CEP250: variants seen among roughly 807,000 people sequenced by gnomAD.
The protein encoded by CEP250 is centrosome-associated protein CEP250.
Under a neutral mutation model 315.7 loss-of-function variants are expected in CEP250, and 242 were observed. The observed-to-expected ratio is 0.77, with a 90% CI of 0.69 to 0.85. The LOEUF (loss-of-function observed/expected upper bound fraction) is 0.85, where lower values mean the gene tolerates loss of function less well. Among genes scored for constraint, CEP250 ranks in the 40% least tolerant of loss-of-function variants. The pLI is 0.00. For missense variants in CEP250, 2,515 were observed against 2,886.4 expected (o/e 0.87, Z 2.95); for synonymous variants, 1,088 against 1,175.0 (o/e 0.93, Z 1.51).
At chr20:35,468,541 C>G (rs1018991565) in intron 9 of CEP250, among the ~76,000 whole-genome samples, 1 of 152,182 alleles carries the variant, frequency 6.6e-6, no homozygotes, top group African/African-American at 2.4e-5. Flanking sequence ...GAGGTACATA[C>G]ATAAAATGCA....
intron 9 of CEP250, among the ~76,000 whole-genome samples, chr20:35,468,039 G>A (rs954417800): frequency 6.8e-6 from 1 of 147,322 alleles, no homozygotes; most frequent in African/African-American, 2.6e-5. Context: ...CTGCCTCCTG[G>A]GTTCAAGTGA....
rs2064376525 is a variant in CEP250 at position 35,512,055 on chromosome 20, A to AT, written c.*431dup. The stretch of plus-strand genomic sequence containing the variant: ...TTTATCTGGGAAGAACTTGCCAAAG[A>AT]TTCCTGTTGAGGTAGCATGCATTTA... On this transcript the variant is annotated 3_prime_UTR_variant, in exon 35 of 35. Coordinates refer to ENST00000397527, the MANE Select transcript of CEP250 (RefSeq NM_007186.6). The AT allele has an allele frequency of 9.8e-7, 1 of 1,021,220 alleles. No homozygotes were observed. Among genetic ancestry groups the AT allele is most frequent in the Non-Finnish European group, 1.2e-6 (1 of 852,906 alleles). The allele number at this position is 1,021,220 out of a possible 1,614,324, so 63.3% of individuals were successfully genotyped here.
intron 22 of CEP250, 55 bp from the exon 23 acceptor site, chr20:35,493,374 C>A: frequency 7.0e-7 from 1 of 1,429,376 alleles, no homozygotes. Context: ...CCAAAAAAAC[C>A]AGTATTTCTA....
At chr20:35,489,339 G>A (rs377130731) in intron 20 of CEP250, among the ~76,000 whole-genome samples, 47 of 152,286 alleles carry the variant, frequency 3.1e-4, no homozygotes, top group African/African-American at 1.1e-3. Flanking sequence ...AATAAGCAAC[G>A]ACAAACTTAC....
At position 35,514,253 on chromosome 20, in the gene CEP250, G is replaced by A. The variant is rs1351101441; in HGVS notation, c.*2627G>A. 6.6e-6 allele frequency: 1 copy of A among 152,332 alleles called. No homozygotes were observed. Among genetic ancestry groups the A allele is most frequent in the African/African-American group, 2.4e-5 (1 of 41,476 alleles). 9.4% of individuals were successfully genotyped at this position (152,332 alleles called of 1,614,324 possible). ...ATGGTGAATCCAGCAGACGGGAGGA[G>A]TCCCTGGCAGTCCAGCCAGTTCTCG... On this transcript the variant is annotated 3_prime_UTR_variant, in exon 35 of 35. Transcript: ENST00000397527.
intron 7 of CEP250, 97 bp from the exon 8 acceptor site, chr20:35,466,869 C>T (rs2062891441): frequency 1.3e-6 from 1 of 753,300 alleles, no homozygotes; most frequent in Non-Finnish European, 2.4e-6. Flanking sequence ...TAAGTCCCTC[C>T]TTCCTTCCCT....
intron 14 of CEP250, 43 bp downstream of exon 14, chr20:35,474,095 T>C (rs1306357566): frequency 2.8e-6 from 4 of 1,445,486 alleles, no homozygotes; most frequent in Non-Finnish European, 3.7e-6. Context: ...CTGGTCTTTC[T>C]TCAATTCTAC....
chr20:35,458,964 ATCTTTT>A (rs1184451619), intron 2 of CEP250, among the ~76,000 whole-genome samples: 16 of 91,420 alleles, frequency 1.8e-4, no homozygotes, highest in African/African-American at 7.5e-4. Context: ...TATAATGCAA[ATCTTTT>A]TTTTTTTTTT....
chr20:35,510,591 T>A (rs1201249689), intron 34 of CEP250, among the ~76,000 whole-genome samples: 1 of 152,240 alleles, frequency 6.6e-6, no homozygotes, highest in Non-Finnish European at 1.5e-5. Flanking sequence ...ACCTTTTTAT[T>A]TCTGAGCCTA....
chr20:35,495,228 G>C (rs1308988891), intron 24 of CEP250, among the ~76,000 whole-genome samples: 1 of 152,208 alleles, frequency 6.6e-6, no homozygotes, highest in Non-Finnish European at 1.5e-5. Context: ...TTGGAGCCTG[G>C]TGAATGAGGA....
At chr20:35,500,024 T>A in intron 27 of CEP250, 25 bp from the exon 28 acceptor site, 1 of 1,613,794 alleles carries the variant, frequency 6.2e-7, no homozygotes, top group Non-Finnish European at 8.5e-7. Flanking sequence ...GGAACTCACG[T>A]TTAGCCATGC....
chr20:35,503,837 A>G lies in CEP250; in HGVS notation c.5468A>G (p.Gln1823Arg). The change falls in exon 30 of 35, where the codon CAG (glutamine) becomes CGG (arginine). Residue 1823 changes from glutamine to arginine, a missense_variant. By Grantham distance (43) the Gln-to-Arg change is conservative. Coordinates refer to ENST00000397527, the MANE Select transcript of CEP250 (RefSeq NM_007186.6). This position sits in a 1 kb window ranked among gnomAD's most constrained non-coding sequence, Gnocchi z 4.2. ...AQRDQELEAL[Q>R]QEQQQAQGQE... Reference sequence around the variant, plus strand: ...AGGGACCAGGAACTGGAGGCTCTGCAGCAAGAACAGCAGCAGGCCCAGGGA... The same window carrying G: ...AGGGACCAGGAACTGGAGGCTCTGCGGCAAGAACAGCAGCAGGCCCAGGGA... 6.2e-7 allele frequency: 1 copy of G among 1,614,046 alleles called. No individual in the cohort carries two copies. The highest frequency in any genetic ancestry group is 8.5e-7 in the Non-Finnish European group (1 of 1,180,010).
In CEP250 at chr20:35,496,701, G is replaced by C. The variant is rs917053719; in HGVS notation, c.3292G>C (p.Glu1098Gln). 17 of 1,613,780 alleles carry C rather than the reference G, an allele frequency of 1.1e-5. No homozygotes were observed. The highest frequency in any genetic ancestry group is 1.4e-5 in the Non-Finnish European group (17 of 1,179,914). The change falls in exon 25 of 35, where the codon GAG becomes CAG. Residue 1098 changes from glutamate to glutamine, a missense_variant. Glu to Gln is a conservative substitution (Grantham distance 29). Transcript: ENST00000397527. ...DMQEAQGEQKELSAQMELLRQ... is the reference protein window; with the variant it reads ...DMQEAQGEQKQLSAQMELLRQ... ...GCAGGAGGCCCAGGGAGAACAGAAA[G>C]AGCTCAGTGCTCAGGTACTTCCCAC...
At chr20:35,482,448 C>A (rs571344254) in intron 20 of CEP250, among the ~76,000 whole-genome samples, 2 of 151,760 alleles carry the variant, frequency 1.3e-5, no homozygotes, top group Non-Finnish European at 2.9e-5. Flanking sequence ...ACCGTGTTAG[C>A]CAGGATGGTC....
rs373038487 is a variant in CEP250, at chr20:35,466,157, C to T, written c.445C>T (p.Arg149Trp). Residue 149 changes from arginine (R) to tryptophan (W), a missense_variant, in exon 7 of 35, where the codon CGG becomes TGG. By Grantham distance (101) the Arg-to-Trp change is moderately radical (BLOSUM62 -3). Coordinates refer to ENST00000397527, the MANE Select transcript of CEP250 (RefSeq NM_007186.6). The stretch of plus-strand genomic sequence containing the variant: ...ACTGACAGTGGACTGGAGCCGGGCC[C>T]GGGATGAGCTAATGAGGAAGGAGAG... ...EKLTVDWSRA[R>W]DELMRKESQW... The T allele has an allele frequency of 1.1e-5, 18 of 1,610,754 alleles. No individual in the cohort carries two copies. The highest frequency in any genetic ancestry group is 5.0e-5 in the Admixed American group (3 of 59,694).
chr20:35,462,609 C>T, intron 4 of CEP250, 56 bp downstream of exon 4: 1 of 1,466,054 alleles, frequency 6.8e-7, no homozygotes, highest in Non-Finnish European at 9.2e-7. Flanking sequence ...GAGCTAGGTG[C>T]TGAGGTGAGA....
At chr20:35,474,355 A>G (rs1230938090) in intron 14 of CEP250, among the ~76,000 whole-genome samples, 1 of 152,228 alleles carries the variant, frequency 6.6e-6, no homozygotes, top group Non-Finnish European at 1.5e-5. Flanking sequence ...ATGAGGCTGG[A>G]TGAAGTATGA....
intron 29 of CEP250, 70 bp downstream of exon 29, chr20:35,502,036 G>A: frequency 6.5e-7 from 1 of 1,532,428 alleles, no homozygotes. Context: ...TTGGCCTGTG[G>A]TCCTGTGTCC....
At chr20:35,474,254 TGGGATGAGACACTGAGG>T (rs1044081280) in intron 14 of CEP250, among the ~76,000 whole-genome samples, 2 of 152,194 alleles carry the variant, frequency 1.3e-5, no homozygotes, top group Non-Finnish European at 2.9e-5. Flanking sequence ...AGCACCCATA[TGGGATGAGACACTGAGG>T]GGGATACAGA....
Sources: allele counts gnomAD v4.1 joint callset (sites outside exome capture counted in the v4.1 genomes callset), GRCh38; gene constraint gnomAD v4.1.1; non-coding constraint Gnocchi (gnomAD v3.1); transcripts MANE v1.5; gene names NCBI Gene and HGNC (gene_info 2026-07-23, HGNC 2026-07-21).